DNASE1L1: variants seen among roughly 807,000 people sequenced by gnomAD.
The protein encoded by DNASE1L1 is deoxyribonuclease 1 like 1, also known as deoxyribonuclease-1-like 1.
In DNASE1L1, 8 loss-of-function variants were observed where a neutral mutation model predicts 18.6. The ratio of observed to expected loss-of-function variants is 0.43; its 90% CI spans 0.25 to 0.78. The LOEUF (loss-of-function observed/expected upper bound fraction) is 0.78. DNASE1L1 is among the 30% of genes least tolerant of loss of function. The probability of loss-of-function intolerance (pLI) is 0.23; values close to 1 mark genes in which losing one functional copy is unlikely to be tolerated. For synonymous variants in DNASE1L1, 114 were observed against 114.2 expected (o/e 1.00, Z 0.01); for missense variants, 214 against 258.2 (o/e 0.83, Z 1.17).
intron 1 of DNASE1L1, among the ~76,000 whole-genome samples, chrX:154,407,763 C>T (rs1377755141): frequency 2.3e-4 from 20 of 88,788 alleles, no homozygotes; most frequent in African/African-American, 7.5e-4. Context: ...GCCCGGCCCC[C>T]CCCCTTTTTT....
intron 4 of DNASE1L1, among the ~76,000 whole-genome samples, chrX:154,404,211 G>A (rs1438824515): frequency 1.1e-5 from 1 of 92,311 alleles, no homozygotes; most frequent in African/African-American, 4.5e-5. Context: ...GCAGTGCACT[G>A]GCACAATCAT....
At position 154,402,455 on chromosome X, in the gene DNASE1L1, G is replaced by A; in HGVS notation, c.*252C>T. 3.0e-6 allele frequency: 1 copy of A among 335,697 alleles called. No homozygotes were observed. Among genetic ancestry groups the A allele is most frequent in the Non-Finnish European group, 5.2e-6 (1 of 192,972 alleles). 27.7% of individuals were successfully genotyped at this position (335,697 alleles called of 1,213,427 possible). A position where few individuals can be genotyped will look rare whatever the true frequency, so the allele number is the denominator to read the frequency against. ...CTCCCTTCCCCTACCCCAACCCAGA[G>A]CCCACTTTGTCTCCACTCCTGATAC... On this transcript the variant is annotated 3_prime_UTR_variant, in exon 8 of 8. Coordinates refer to ENST00000369807, the MANE Select transcript of DNASE1L1 (RefSeq NM_001303620.2).
intron 1 of DNASE1L1, among the ~76,000 whole-genome samples, chrX:154,407,537 C>T (rs2068180989): frequency 9.5e-6 from 1 of 105,771 alleles, no homozygotes. Context: ...CTGCGCCCAG[C>T]CAGTGCTGGG....
chrX:154,406,349 T>C (rs1014608670), intron 1 of DNASE1L1, among the ~76,000 whole-genome samples: 5 of 106,262 alleles, frequency 4.7e-5, no homozygotes, highest in African/African-American at 1.8e-4. Context: ...GTTCATTCAT[T>C]CATTCATCCA....
chrX:154,407,157 G>C (rs1265080851), intron 1 of DNASE1L1, among the ~76,000 whole-genome samples: 1 of 103,380 alleles, frequency 9.7e-6, no homozygotes, highest in Non-Finnish European at 2.0e-5. Flanking sequence ...ATGTTTCCCA[G>C]GCTGGTCTCA....
upstream of DNASE1L1, chrX:154,411,718 C>T (rs781986704): frequency 9.4e-6 from 6 of 637,124 alleles, no homozygotes; most frequent in Non-Finnish European, 1.4e-5. Flanking sequence ...TGTTGCGCCG[C>T]GCCCCCGTCC....
chrX:154,404,732 G>A, intron 4 of DNASE1L1, 96 bp downstream of exon 4: 1 of 830,329 alleles, frequency 1.2e-6, no homozygotes. Context: ...GCTGTCCCAG[G>A]ATGGGGGGCC....
chrX:154,407,689 G>A (rs1333756993), intron 1 of DNASE1L1, among the ~76,000 whole-genome samples: 2 of 92,302 alleles, frequency 2.2e-5, no homozygotes, highest in Admixed American at 2.5e-4. Flanking sequence ...TCTGCCTTCC[G>A]GGTTCAAGTG....
At chrX:154,406,025 G>T (rs1352685331) in intron 1 of DNASE1L1, among the ~76,000 whole-genome samples, 1 of 104,024 alleles carries the variant, frequency 9.6e-6, no homozygotes, top group African/African-American at 3.5e-5. Context: ...AGGCTGGAGT[G>T]CAGTGGCGCA....
Position 154,405,311 on chromosome X carries a change from T to A in DNASE1L1, c.135+123A>T, listed in dbSNP as rs782186742. 1.4e-5 allele frequency: 15 copies of A among 1,069,294 alleles called. No individual in the cohort carries two copies. In the East Asian group the frequency reaches 4.3e-4, roughly 31 times the overall value. The allele number at this position is 1,069,294 out of a possible 1,213,427, so 88.1% of individuals were successfully genotyped here. A position where few individuals can be genotyped will look rare whatever the true frequency, so the allele number is the denominator to read the frequency against. The stretch of plus-strand genomic sequence containing the variant: ...GCCAGCAGCAGGCAAGCGCCTGCGC[T>A]GCATCTCCGTGCCACACCTCTTCTT... On this transcript the variant is annotated intron_variant, in intron 2 of 7. Coordinates refer to ENST00000369807, the MANE Select transcript of DNASE1L1 (RefSeq NM_001303620.2).
chrX:154,402,902 G>A, intron 7 of DNASE1L1, 40 bp downstream of exon 7: 1 of 1,205,917 alleles, frequency 8.3e-7, no homozygotes, highest in Non-Finnish European at 1.1e-6. Context: ...CTGTGACCCT[G>A]CTGCTGCCCT....
At position 154,403,210 on chromosome X, in the gene DNASE1L1, C is replaced by G. The variant is rs1435725059; in HGVS notation, c.526-20G>C. ...CACGTCCTAGAGACACAGCAGCCAT[C>G]AGGCTGGCCGCTGGGCCACCCTATC... On this transcript the variant is annotated intron_variant, in intron 6 of 7. Coordinates refer to ENST00000369807, the MANE Select transcript of DNASE1L1 (RefSeq NM_001303620.2). 4 of 1,208,084 alleles carry G rather than the reference C, an allele frequency of 3.3e-6. No individual in the cohort carries two copies. The highest frequency in any genetic ancestry group is 4.5e-6 in the Non-Finnish European group (4 of 893,696).
chrX:154,404,147 CTT>C (rs35330789), intron 4 of DNASE1L1, among the ~76,000 whole-genome samples: 21 of 65,276 alleles, frequency 3.2e-4, no homozygotes, highest in Non-Finnish European at 3.6e-4. Context: ...TGATGTCATT[CTT>C]TTTTTTTTTT....
At chrX:154,406,664 CT>C (rs782761679) in intron 1 of DNASE1L1, among the ~76,000 whole-genome samples, 1,730 of 86,134 alleles carry the variant, frequency 0.02, 37 homozygotes, top group Admixed American at 0.039. Context: ...CCACCGTGTC[CT>C]TTTTTTTTTT....
rs959981012 is a variant in DNASE1L1, at chrX:154,404,897, G to A, written c.242C>T (p.Pro81Leu). 2 of 1,211,295 alleles carry A rather than the reference G, an allele frequency of 1.7e-6. No homozygotes were observed. The highest frequency in any genetic ancestry group is 2.3e-4 in the Middle Eastern group (1 of 4,343). ...CTGGGGGCTGCTCAGGGTGCTGTAGGGCCCAGAGCCATCAAATCTGCCAAG... is the reference window on the plus strand; with the variant it reads ...CTGGGGGCTGCTCAGGGTGCTGTAGAGCCCAGAGCCATCAAATCTGCCAAG... Reference protein sequence around the residue: ...RELNRFDGSGPYSTLSSPQLG... With the variant: ...RELNRFDGSGLYSTLSSPQLG... The change falls in exon 4 of 8, where the codon CCC becomes CTC. Residue 81 changes from proline (P) to leucine (L), a missense_variant. Pro to Leu is a moderately conservative substitution (Grantham distance 98). Coordinates refer to ENST00000369807, the MANE Select transcript of DNASE1L1 (RefSeq NM_001303620.2).
At chrX:154,411,576 C>T (rs1557190394), upstream of DNASE1L1, 1 of 406,499 alleles carries the variant, frequency 2.5e-6, no homozygotes, top group South Asian at 2.7e-5. Context: ...GTGCCAGCGC[C>T]CGCCTTCCCG....
At chrX:154,405,696 A>G in intron 1 of DNASE1L1, 41 bp from the exon 2 acceptor site, 1 of 689,231 alleles carries the variant, frequency 1.5e-6, no homozygotes, top group Non-Finnish European at 2.0e-6. Flanking sequence ...GCTGCTGCCC[A>G]GCACCAGCCT....
chrX:154,405,086 G>A lies in DNASE1L1; in HGVS notation c.136-3C>T. 1 of 1,209,195 alleles carries A rather than the reference G, an allele frequency of 8.3e-7. No individual in the cohort carries two copies. Among genetic ancestry groups the A allele is most frequent in the Non-Finnish European group, 1.1e-6 (1 of 893,807 alleles). Reference sequence around the variant, plus strand: ...ATGATGTCACAGCGAGCCAGTATCTGTGGGACATCAGGAAGGCCAGCCTGA... The same window carrying A: ...ATGATGTCACAGCGAGCCAGTATCTATGGGACATCAGGAAGGCCAGCCTGA... On this transcript the variant is annotated splice_region_variant and splice_polypyrimidine_tract_variant and intron_variant, in intron 2 of 7. Coordinates refer to ENST00000369807, the MANE Select transcript of DNASE1L1 (RefSeq NM_001303620.2).
chrX:154,410,993 T>C (rs2068269068), upstream of DNASE1L1, among the ~76,000 whole-genome samples: 1 of 112,704 alleles, frequency 8.9e-6, no homozygotes, highest in African/African-American at 3.2e-5. Flanking sequence ...GTAGCTGACA[T>C]TGTGACTGTA....
Sources: allele counts gnomAD v4.1 joint callset (sites outside exome capture counted in the v4.1 genomes callset), GRCh38; gene constraint gnomAD v4.1.1; transcripts MANE v1.5; gene names NCBI Gene and HGNC (gene_info 2026-07-23, HGNC 2026-07-21).